Variants in PTPRG observed in about 807,000 individuals in gnomAD.
PTPRG encodes the protein receptor-type tyrosine-protein phosphatase gamma.
In PTPRG, 102 loss-of-function variants were observed where a neutral mutation model predicts 165.3. The ratio of observed to expected loss-of-function variants is 0.62; its 90% CI spans 0.53 to 0.73. The LOEUF is 0.73. Ranked by LOEUF, PTPRG falls within the 30% of genes least tolerant of loss-of-function variation. The pLI is 0.00. For missense variants in PTPRG, 1,866 were observed against 1,861.4 expected (o/e 1.00, Z -0.05); for synonymous variants, 675 against 669.5 (o/e 1.01, Z -0.13).
Position 62,292,566 on chromosome 3 carries a change from T to C in PTPRG, c.4191+10T>C, listed in dbSNP as rs1371330712. On this transcript the variant is annotated intron_variant, in intron 29 of 29. Coordinates refer to ENST00000474889, the MANE Select transcript of PTPRG (RefSeq NM_002841.4). ...AGTATTCACAGACATTGTAAGTAGT[T>C]TGCTTATGTGTAAAACCTGTACTAC... The C allele has an allele frequency of 2.5e-6, 4 of 1,612,242 alleles. No homozygotes were observed. The highest frequency in any genetic ancestry group is 3.3e-5 in the Admixed American group (2 of 59,868).
intron 1 of PTPRG, among the ~76,000 whole-genome samples, chr3:61,637,180 C>T (rs1056986434): frequency 6.6e-6 from 1 of 152,056 alleles, no homozygotes; most frequent in African/African-American, 2.4e-5. Context: ...ATGTTTGTAC[C>T]AGAACTAAGA....
intron 5 of PTPRG, among the ~76,000 whole-genome samples, chr3:62,124,974 G>A (rs372414447): frequency 1.1e-4 from 17 of 152,246 alleles, no homozygotes; most frequent in Non-Finnish European, 2.2e-4. Context: ...GGAGTCAGGG[G>A]TCTTTGAAGG....
At chr3:61,947,606 T>G (rs1270303936) in intron 2 of PTPRG, among the ~76,000 whole-genome samples, 3 of 152,144 alleles carry the variant, frequency 2.0e-5, no homozygotes, top group African/African-American at 7.2e-5. Context: ...AGGAACTGAT[T>G]GACTGAAGTA....
intron 4 of PTPRG, among the ~76,000 whole-genome samples, chr3:62,053,665 C>T (rs978752747): frequency 2.6e-5 from 4 of 152,174 alleles, no homozygotes; most frequent in African/African-American, 7.2e-5. Context: ...ATCTGCTTCA[C>T]ACCTGTGGTG....
In PTPRG at chr3:62,271,330, T is replaced by C. The variant is rs1702052630; in HGVS notation, c.3010-53T>C. ...TCCTGACACCCTTACATTATTTTTT[T>C]CCAGAATGTCCACCCCCCCGCTTAA... On this transcript the variant is annotated intron_variant, in intron 20 of 29. Coordinates refer to ENST00000474889, the MANE Select transcript of PTPRG (RefSeq NM_002841.4). The surrounding 1 kb of genome is among the most constrained non-coding windows in gnomAD (Gnocchi z 4.1). 6.9e-7 allele frequency: 1 copy of C among 1,450,834 alleles called. No homozygotes were observed. The highest frequency in any genetic ancestry group is 9.4e-7 in the Non-Finnish European group (1 of 1,061,506). 89.9% of individuals were successfully genotyped at this position (1,450,834 alleles called of 1,614,324 possible). A position where few individuals can be genotyped will look rare whatever the true frequency, so the allele number is the denominator to read the frequency against.
At chr3:62,202,565 A>G (rs1361862521) in intron 11 of PTPRG, among the ~76,000 whole-genome samples, 3 of 152,238 alleles carry the variant, frequency 2.0e-5, no homozygotes, top group Admixed American at 2.0e-4. Context: ...GCAGTGCCCA[A>G]CATGGAGATG....
intron 2 of PTPRG, among the ~76,000 whole-genome samples, chr3:61,861,160 A>T (rs772462226): frequency 1.1e-4 from 16 of 152,196 alleles, no homozygotes; most frequent in African/African-American, 2.4e-4. Context: ...GCCAATTTTT[A>T]AAAATATAGA....
rs114117796 is a variant in PTPRG at position 61,826,917 on chromosome 3, C to T, written c.190+77935C>T. Among the ~76,000 whole-genome samples, 553 of 150,524 alleles carry T rather than the reference C, an allele frequency of 3.7e-3. 1 individual carries two copies. Among genetic ancestry groups the T allele is most frequent in the African/African-American group, 0.013 (532 of 40,886 alleles). On this transcript the variant is annotated intron_variant, in intron 2 of 29. Coordinates refer to ENST00000474889, the MANE Select transcript of PTPRG (RefSeq NM_002841.4). ...GGTGATTGAAGTAGTAATTACTATGCTTCTAGAAATATTTTTAGCTCTCCA... is the reference window on the plus strand; with the variant it reads ...GGTGATTGAAGTAGTAATTACTATGTTTCTAGAAATATTTTTAGCTCTCCA...
chr3:62,024,814 C>T (rs1364186663), intron 4 of PTPRG, among the ~76,000 whole-genome samples: 1 of 152,172 alleles, frequency 6.6e-6, no homozygotes, highest in Non-Finnish European at 1.5e-5. Flanking sequence ...GACTTGACTT[C>T]ATAGTGCTTG....
intron 4 of PTPRG, among the ~76,000 whole-genome samples, chr3:62,052,008 G>C (rs972849161): frequency 6.6e-6 from 1 of 152,158 alleles, no homozygotes. Flanking sequence ...CATGGTCTCT[G>C]TCACCCATCT....
At chr3:61,862,607 A>T (rs2037301318) in intron 2 of PTPRG, among the ~76,000 whole-genome samples, 1 of 151,854 alleles carries the variant, frequency 6.6e-6, no homozygotes, top group African/African-American at 2.4e-5. Context: ...GTTGGTCAGG[A>T]TGGTCTTGAG....
chr3:61,832,809 C>A (rs556219116), intron 2 of PTPRG, among the ~76,000 whole-genome samples: 1 of 152,248 alleles, frequency 6.6e-6, no homozygotes, highest in Non-Finnish European at 1.5e-5. Context: ...ATCACTTGAG[C>A]AGTATACACT....
At chr3:62,095,275 C>T (rs142093886) in intron 5 of PTPRG, among the ~76,000 whole-genome samples, 30 of 152,236 alleles carry the variant, frequency 2.0e-4, no homozygotes, top group African/African-American at 7.2e-4. Context: ...AAGCTGCATC[C>T]CCCATGTGAC....
chr3:62,250,854 A>C (rs1701394098), intron 15 of PTPRG, among the ~76,000 whole-genome samples: 1 of 152,188 alleles, frequency 6.6e-6, no homozygotes, highest in African/African-American at 2.4e-5. Flanking sequence ...GTACATAAGA[A>C]GGTTTTGTTG....
intron 5 of PTPRG, among the ~76,000 whole-genome samples, chr3:62,098,768 A>G (rs1205216690): frequency 6.6e-6 from 1 of 152,202 alleles, no homozygotes; most frequent in East Asian, 1.9e-4. Flanking sequence ...CATGCTAAGT[A>G]TGTTTATATT....
At chr3:61,911,286 A>C (rs2038797284) in intron 2 of PTPRG, among the ~76,000 whole-genome samples, 1 of 152,156 alleles carries the variant, frequency 6.6e-6, no homozygotes, top group African/African-American at 2.4e-5. Flanking sequence ...GTTTCTCCTT[A>C]CTGTATTTTA....
chr3:62,137,345 A>C lies in PTPRG; in HGVS notation c.682+4677A>C, dbSNP rs542280912. On this transcript the variant is annotated intron_variant, in intron 6 of 29. Transcript: ENST00000474889. Reference sequence around the variant, plus strand: ...TTAAAATCCATTTTTTAAAAAAAAAATCCTGTTTGTGAATCGGTGTAAAAA... The same window carrying C: ...TTAAAATCCATTTTTTAAAAAAAAACTCCTGTTTGTGAATCGGTGTAAAAA... Among the ~76,000 whole-genome samples the C allele has an allele frequency of 5.3e-5, 8 of 152,272 alleles. No homozygotes were observed. The South Asian group carries it at 1.0e-3, about 20-fold the overall frequency.
chr3:61,804,071 C>T (rs1465653847), intron 2 of PTPRG, among the ~76,000 whole-genome samples: 1 of 152,118 alleles, frequency 6.6e-6, no homozygotes, highest in Non-Finnish European at 1.5e-5. Flanking sequence ...ATTTCCAGGG[C>T]TCCTGGGAAA....
chr3:62,152,596 A>G (rs975786391), intron 6 of PTPRG, among the ~76,000 whole-genome samples: 2 of 152,250 alleles, frequency 1.3e-5, no homozygotes, highest in African/African-American at 4.8e-5. Flanking sequence ...TCAGTAGAGC[A>G]CTGTCAGTGG....
Sources: allele counts gnomAD v4.1 joint callset (sites outside exome capture counted in the v4.1 genomes callset), GRCh38; gene constraint gnomAD v4.1.1; non-coding constraint Gnocchi (gnomAD v3.1); transcripts MANE v1.5; gene names NCBI Gene and HGNC (gene_info 2026-07-23, HGNC 2026-07-21).